Variants in SIPA1L2 observed in about 807,000 individuals in gnomAD.
SIPA1L2 encodes signal induced proliferation associated 1 like 2.
In SIPA1L2, 56 loss-of-function variants were observed where a neutral mutation model predicts 163.9. The ratio of observed to expected loss-of-function variants is 0.34; its 90% CI spans 0.28 to 0.43. The LOEUF (loss-of-function observed/expected upper bound fraction) is 0.43, where lower values mean the gene tolerates loss of function less well. Among genes scored for constraint, SIPA1L2 ranks in the 20% least tolerant of loss-of-function variants. SIPA1L2 has a pLI of 1.00. For missense variants in SIPA1L2, 1,974 were observed against 2,193.5 expected, an observed-to-expected ratio of 0.90 and a Z score of 2.00; for synonymous variants, 877 against 865.7, an observed-to-expected ratio of 1.01 and a Z score of -0.23.
intron 10 of SIPA1L2, among the ~76,000 whole-genome samples, chr1:232,446,651 A>G (rs1170143411): frequency 6.6e-6 from 1 of 152,250 alleles, no homozygotes; most frequent in Non-Finnish European, 1.5e-5. Flanking sequence ...GTCTGTGTTC[A>G]ACATATGGGA....
At chr1:232,420,357 G>C (rs568370126) in intron 18 of SIPA1L2, among the ~76,000 whole-genome samples, 3 of 152,218 alleles carry the variant, frequency 2.0e-5, no homozygotes, top group African/African-American at 7.2e-5. Flanking sequence ...ACATAGTGCA[G>C]ACCTGAAGGA....
rs181758214 is a variant in SIPA1L2 at position 232,532,290 on chromosome 1, T to C, written c.-269-16682A>G. Among the ~76,000 whole-genome samples, 12 of 152,280 alleles carry C rather than the reference T, an allele frequency of 7.9e-5. No homozygotes were observed. In the East Asian group the frequency reaches 2.3e-3, roughly 29 times the overall value. ...AAAGTCAAGAATGACTCCAGGATTT[T>C]TGGCGTAAGTAACTGAGAGGATGAA... On this transcript the variant is annotated intron_variant, in intron 2 of 22. Transcript: ENST00000674635.
intron 8 of SIPA1L2, among the ~76,000 whole-genome samples, chr1:232,467,878 T>C (rs1306274328): frequency 1.3e-5 from 2 of 152,236 alleles, no homozygotes; most frequent in Non-Finnish European, 2.9e-5. Context: ...TGTCACATAG[T>C]AAATAAGAGA....
chr1:232,465,438 C>G lies in SIPA1L2; in HGVS notation c.2244-22G>C, dbSNP rs755740584. The G allele has an allele frequency of 1.9e-6, 3 of 1,576,980 alleles. No homozygotes were observed. In the Admixed American group the frequency reaches 5.4e-5, roughly 29 times the overall value. ...AACACTGAGGAAGTAAAAACAGAAA[C>G]AAAATGAGATGAGCTATGATACCAT... On this transcript the variant is annotated intron_variant, in intron 8 of 22. Coordinates refer to ENST00000674635, the MANE Select transcript of SIPA1L2 (RefSeq NM_020808.5). The surrounding 1 kb of genome is among the most constrained non-coding windows in gnomAD (Gnocchi z 4.1).
At chr1:232,609,914 CATG>C (rs1046162901) in intron 1 of SIPA1L2, among the ~76,000 whole-genome samples, 4 of 151,630 alleles carry the variant, frequency 2.6e-5, no homozygotes, top group Admixed American at 1.3e-4. Flanking sequence ...TAATGATATG[CATG>C]ATGTCTGTTC....
At chr1:232,401,211 C>G (rs1660318433) in intron 22 of SIPA1L2, among the ~76,000 whole-genome samples, 1 of 152,126 alleles carries the variant, frequency 6.6e-6, no homozygotes, top group Non-Finnish European at 1.5e-5. Context: ...ATAGGGTGAC[C>G]AGCCATCCCA....
At chr1:232,553,396 G>T (rs544859482) in intron 2 of SIPA1L2, among the ~76,000 whole-genome samples, 1 of 152,096 alleles carries the variant, frequency 6.6e-6, no homozygotes, top group African/African-American at 2.4e-5. Flanking sequence ...GGGCGTAGTG[G>T]GCCAAAAGAC....
intron 19 of SIPA1L2, among the ~76,000 whole-genome samples, chr1:232,409,089 T>C (rs1660804429): frequency 6.6e-6 from 1 of 152,216 alleles, no homozygotes; most frequent in African/African-American, 2.4e-5. Flanking sequence ...CTTATCCCTA[T>C]TTTTGAATTA....
chr1:232,462,244 C>G lies in SIPA1L2; in HGVS notation c.2821-1083G>C, dbSNP rs767548279. ...AAAAACATGGGCTCATTAAGTATCACCCGATGACTATGACCTCACCTATCT... is the reference window on the plus strand; with the variant it reads ...AAAAACATGGGCTCATTAAGTATCAGCCGATGACTATGACCTCACCTATCT... On this transcript the variant is annotated intron_variant, in intron 9 of 22. Transcript: ENST00000674635. 39 of 1,550,820 alleles carry G rather than the reference C, an allele frequency of 2.5e-5. No individual in the cohort carries two copies. The African/African-American group carries it at 4.2e-4, about 17-fold the overall frequency.
intron 15 of SIPA1L2, among the ~76,000 whole-genome samples, chr1:232,438,826 A>G (rs986857547): frequency 6.6e-6 from 1 of 152,102 alleles, no homozygotes; most frequent in Non-Finnish European, 1.5e-5. Flanking sequence ...ATTAGGAGAG[A>G]GACATAAGTG....
At chr1:232,462,441 T>G (rs1187051987) in intron 9 of SIPA1L2, 1 of 1,312,022 alleles carries the variant, frequency 7.6e-7, no homozygotes, top group Non-Finnish European at 1.0e-6. Flanking sequence ...TGGGGCTGGT[T>G]CATGTATCAC....
At chr1:232,466,683 C>T (rs147428745) in intron 8 of SIPA1L2, among the ~76,000 whole-genome samples, 163 of 152,156 alleles carry the variant, frequency 1.1e-3, no homozygotes, top group African/African-American at 3.7e-3. Context: ...CCCAGCTACT[C>T]AGGAGGCTGA....
intron 1 of SIPA1L2, among the ~76,000 whole-genome samples, chr1:232,575,705 G>A (rs1660042836): frequency 2.0e-5 from 3 of 152,148 alleles, no homozygotes; most frequent in Non-Finnish European, 4.4e-5. Flanking sequence ...GCAGGATCTC[G>A]AAGATGAACT....
In SIPA1L2 at chr1:232,490,920, T is replaced by C. The variant is rs542035616; in HGVS notation, c.1760A>G (p.Asn587Ser). The C allele has an allele frequency of 6.2e-7, 1 of 1,614,036 alleles. No homozygotes were observed. The highest frequency in any genetic ancestry group is 1.1e-5 in the South Asian group (1 of 91,066). Reference sequence around the variant, plus strand: ...CAGCTGCTCTGAGACCTTGGGTGAGTTGGAAGCCTGTCGCAAACACTGAAT... The same window carrying C: ...CAGCTGCTCTGAGACCTTGGGTGAGCTGGAAGCCTGTCGCAAACACTGAAT... ...LSIQCLRQAS[N>S]SPKVSEQLLK... is the part of the protein sequence containing the mutation. The change falls in exon 5 of 23, where the codon AAC (asparagine) becomes AGC (serine). Residue 587 changes from asparagine to serine, a missense_variant. Coordinates refer to ENST00000674635, the MANE Select transcript of SIPA1L2 (RefSeq NM_020808.5).
Position 232,464,841 on chromosome 1 carries a change from A to G in SIPA1L2, c.2819T>C (p.Val940Ala). The G allele has an allele frequency of 6.3e-7, 1 of 1,591,592 alleles. No individual in the cohort carries two copies. The highest frequency in any genetic ancestry group is 2.2e-5 in the East Asian group (1 of 44,722). ...GGAAAATAGAAAACATGTACTTACT[A>G]CTAATCGCTGAACAATTTCCCTGAT... The part of the protein sequence containing the change: ...EDIREIVQRL[V>A]IVTRGCETVE... Residue 940 changes from valine to alanine, a missense_variant and splice_region_variant, in exon 9 of 23, where the codon GTA becomes GCA. Transcript: ENST00000674635.
chr1:232,468,892 T>C (rs903609129), intron 8 of SIPA1L2, among the ~76,000 whole-genome samples: 1 of 152,232 alleles, frequency 6.6e-6, no homozygotes, highest in African/African-American at 2.4e-5. Context: ...CAATTTGTTA[T>C]GTCTGCTTTT....
intron 3 of SIPA1L2, among the ~76,000 whole-genome samples, chr1:232,505,644 C>G (rs183682892): frequency 6.6e-6 from 1 of 152,120 alleles, no homozygotes; most frequent in Non-Finnish European, 1.5e-5. Context: ...GAGAAAGCCC[C>G]GGTGTTTTCC....
At chr1:232,455,163 T>C (rs140375319) in intron 10 of SIPA1L2, among the ~76,000 whole-genome samples, 2 of 152,384 alleles carry the variant, frequency 1.3e-5, no homozygotes, top group East Asian at 1.9e-4. Context: ...GATTGTACTT[T>C]AGGTTACCTT....
At chr1:232,626,399 G>A (rs1054007158) in intron 1 of SIPA1L2, among the ~76,000 whole-genome samples, 3 of 151,944 alleles carry the variant, frequency 2.0e-5, no homozygotes, top group African/African-American at 4.8e-5. Flanking sequence ...CTAGTACTGG[G>A]GGAGAAGAAC....
Sources: gnomAD v4.1 joint callset for allele counts (sites outside exome capture counted in the v4.1 genomes callset) on GRCh38, gnomAD v4.1.1 for gene constraint, Gnocchi (gnomAD v3.1) non-coding constraint, MANE v1.5 for transcripts, NCBI Gene and HGNC (gene_info 2026-07-23, HGNC 2026-07-21) for gene names.